Variants in PPP1R1C observed in about 807,000 individuals in gnomAD.
PPP1R1C encodes the protein protein phosphatase 1 regulatory inhibitor subunit 1C.
PPP1R1C carries 15 observed loss-of-function variants against 17.4 expected under a neutral mutation model. The ratio of observed to expected loss-of-function variants is 0.86; its 90% CI spans 0.58 to 1.33. PPP1R1C has a LOEUF of 1.33. Among genes scored for constraint, PPP1R1C ranks in the 40% most tolerant of loss-of-function variants. PPP1R1C has a pLI of 0.00. For missense variants in PPP1R1C, 143 were observed against 130.0 expected, an observed-to-expected ratio of 1.10 and a Z score of -0.48; for synonymous variants, 35 against 43.1, an observed-to-expected ratio of 0.81 and a Z score of 0.73.
At chr2:181,965,001 C>A (rs1010881928) in intron 1 of PPP1R1C, among the ~76,000 whole-genome samples, 3 of 152,200 alleles carry the variant, frequency 2.0e-5, no homozygotes, top group African/African-American at 7.2e-5. Flanking sequence ...CCATCGCACT[C>A]GGCCCAACAT....
intron 1 of PPP1R1C, chr2:181,975,099 T>C (rs576979219): frequency 2.0e-5 from 3 of 152,078 alleles, no homozygotes; most frequent in Non-Finnish European, 2.9e-5. Flanking sequence ...AAAATTATAA[T>C]ATAAAATTTT....
intron 4 of PPP1R1C, among the ~76,000 whole-genome samples, chr2:182,094,280 G>GC (rs2125223219): frequency 6.6e-6 from 1 of 152,202 alleles, no homozygotes; most frequent in East Asian, 1.9e-4. Context: ...GGAAAGACCT[G>GC]CCCCCATAAT....
chr2:182,014,508 C>T (rs797019963), intron 2 of PPP1R1C, among the ~76,000 whole-genome samples: 17 of 151,806 alleles, frequency 1.1e-4, no homozygotes, highest in African/African-American at 2.2e-4. Flanking sequence ...AGCACAGCAC[C>T]GAGTCTTGCC....
chr2:182,125,143 T>A (rs7420606), intron 5 of PPP1R1C, among the ~76,000 whole-genome samples: 52,118 of 152,054 alleles, frequency 0.34, 10,079 homozygotes, highest in Non-Finnish European at 0.43. Flanking sequence ...TTTTTCTGCA[T>A]CTATTGAGAT....
chr2:181,987,550 C>T (rs1429206752), intron 1 of PPP1R1C, among the ~76,000 whole-genome samples: 1 of 152,162 alleles, frequency 6.6e-6, no homozygotes, highest in Non-Finnish European at 1.5e-5. Context: ...AACCCTGTAC[C>T]TTCATTGTAA....
chr2:181,985,855 T>C lies in PPP1R1C; in HGVS notation c.-256T>C. 2 of 539,120 alleles carry C rather than the reference T, an allele frequency of 3.7e-6. No homozygotes were observed. The highest frequency in any genetic ancestry group is 6.6e-6 in the Non-Finnish European group (2 of 301,366). 33.4% of individuals were successfully genotyped at this position (539,120 alleles called of 1,614,324 possible). ...GTGAAGAGGCACACAATTAGCGTATTGTTCCTTTCTGTATTGTGCTGAGAG... is the reference window on the plus strand; with the variant it reads ...GTGAAGAGGCACACAATTAGCGTATCGTTCCTTTCTGTATTGTGCTGAGAG... On this transcript the variant is annotated 5_prime_UTR_variant, in exon 1 of 5. Transcript: ENST00000682840. The surrounding 1 kb of genome is among the most constrained non-coding windows in gnomAD (Gnocchi z 4.1).
chr2:182,013,943 G>T (rs376526975), intron 2 of PPP1R1C, among the ~76,000 whole-genome samples: 1 of 152,124 alleles, frequency 6.6e-6, no homozygotes, highest in Non-Finnish European at 1.5e-5. Context: ...CCTTTTCTGT[G>T]TTATCTTGAA....
At chr2:182,080,888 A>G (rs1445397097) in intron 4 of PPP1R1C, among the ~76,000 whole-genome samples, 1 of 152,236 alleles carries the variant, frequency 6.6e-6, no homozygotes, top group African/African-American at 2.4e-5. Context: ...TCATAAAGGT[A>G]CATACTCATA....
intron 4 of PPP1R1C, among the ~76,000 whole-genome samples, chr2:182,100,783 C>T (rs1432494129): frequency 2.0e-5 from 3 of 152,130 alleles, no homozygotes; most frequent in African/African-American, 7.2e-5. Context: ...TAGGAAACAG[C>T]GGTCATCAGG....
intron 4 of PPP1R1C, among the ~76,000 whole-genome samples, chr2:182,091,039 T>C (rs1688765028): frequency 6.6e-6 from 1 of 152,166 alleles, no homozygotes. Context: ...GCTAATAGTT[T>C]TGGACATGTT....
chr2:182,112,450 C>T (rs961763248), intron 4 of PPP1R1C, among the ~76,000 whole-genome samples: 1 of 152,074 alleles, frequency 6.6e-6, no homozygotes. Flanking sequence ...GTAATATCTT[C>T]TGATAATGAA....
intron 4 of PPP1R1C, among the ~76,000 whole-genome samples, chr2:182,080,216 G>T (rs539546253): frequency 6.6e-6 from 1 of 152,276 alleles, no homozygotes. Flanking sequence ...ATTTCCCATT[G>T]CATATCTTCT....
chr2:181,984,950 C>T (rs992222233), upstream of PPP1R1C, among the ~76,000 whole-genome samples: 1 of 152,268 alleles, frequency 6.6e-6, no homozygotes, highest in South Asian at 2.1e-4. Context: ...GGCAATCAGG[C>T]TAGTGTCCCA....
At chr2:182,122,322 G>A (rs916988517), downstream of PPP1R1C, among the ~76,000 whole-genome samples, 26 of 151,968 alleles carry the variant, frequency 1.7e-4, no homozygotes, top group African/African-American at 6.0e-4. Flanking sequence ...TTTTAGGTTG[G>A]CCAGGAAAAA....
chr2:181,981,875 T>A (rs1007107158), upstream of PPP1R1C, among the ~76,000 whole-genome samples: 1 of 152,222 alleles, frequency 6.6e-6, no homozygotes, highest in Admixed American at 6.5e-5. Flanking sequence ...ATCTTTTCAA[T>A]GGACTCATAT....
intron 1 of PPP1R1C, among the ~76,000 whole-genome samples, chr2:181,960,931 A>G (rs1401989313): frequency 6.6e-6 from 1 of 152,204 alleles, no homozygotes; most frequent in Non-Finnish European, 1.5e-5. Flanking sequence ...GATAGCAAAC[A>G]TTTTAGTAGA....
intron 4 of PPP1R1C, among the ~76,000 whole-genome samples, chr2:182,101,169 A>G (rs1324953761): frequency 1.3e-5 from 2 of 152,160 alleles, no homozygotes; most frequent in Non-Finnish European, 2.9e-5. Flanking sequence ...GACTACTTCA[A>G]ATTATGTTCT....
chr2:181,992,755 C>A (rs1342635811), intron 2 of PPP1R1C, among the ~76,000 whole-genome samples: 1 of 119,808 alleles, frequency 8.3e-6, no homozygotes, highest in African/African-American at 3.2e-5. Flanking sequence ...TCGACTTTAT[C>A]TTTGACCCTT....
At chr2:182,001,665 C>A (rs1685770704) in intron 2 of PPP1R1C, among the ~76,000 whole-genome samples, 1 of 152,024 alleles carries the variant, frequency 6.6e-6, no homozygotes, top group African/African-American at 2.4e-5. Flanking sequence ...CCTTTGTTAG[C>A]AATAAACTAT....
Sources: allele counts gnomAD v4.1 joint callset (sites outside exome capture counted in the v4.1 genomes callset), GRCh38; gene constraint gnomAD v4.1.1; non-coding constraint Gnocchi (gnomAD v3.1); transcripts MANE v1.5; gene names NCBI Gene and HGNC (gene_info 2026-07-23, HGNC 2026-07-21).